PAX5: variants seen among roughly 807,000 people sequenced by gnomAD.
PAX5 encodes the protein paired box 5.
A neutral mutation model predicts 43.7 loss-of-function variants in PAX5; 9 were observed. The observed-to-expected ratio is 0.21, with a 90% CI of 0.12 to 0.36. PAX5 has a LOEUF of 0.36. Among genes scored for constraint, PAX5 ranks in the 10% least tolerant of loss-of-function variants. PAX5 has a pLI of 1.00. For missense variants in PAX5, 383 were observed against 532.7 expected (o/e 0.72, Z 2.77); for synonymous variants, 228 against 214.3 (o/e 1.06, Z -0.56).
intron 7 of PAX5, among the ~76,000 whole-genome samples, chr9:36,899,499 C>T (rs1228253200): frequency 6.6e-6 from 1 of 152,232 alleles, no homozygotes; most frequent in Admixed American, 6.5e-5. Context: ...TGAGCCCAGC[C>T]TGCGCTCAGT....
In PAX5 at chr9:37,015,871, C is replaced by G. The variant is rs1213788095; in HGVS notation, c.213-677G>C. Among the ~76,000 whole-genome samples the G allele has an allele frequency of 6.6e-6, 1 of 152,198 alleles. No individual in the cohort carries two copies. Among genetic ancestry groups the G allele is most frequent in the Non-Finnish European group, 1.5e-5 (1 of 68,040 alleles). On this transcript the variant is annotated intron_variant, in intron 2 of 9. Coordinates refer to ENST00000358127, the MANE Select transcript of PAX5 (RefSeq NM_016734.3). This position sits in a 1 kb window ranked among gnomAD's most constrained non-coding sequence, Gnocchi z 4.4. The stretch of plus-strand genomic sequence containing the variant: ...CTGGGATTACAGGCATGAGCCACCA[C>G]GCCCGGCCAGTCTCTCATTGTATTT...
At chr9:37,031,111 C>A (rs1389411630) in intron 1 of PAX5, among the ~76,000 whole-genome samples, 1 of 152,238 alleles carries the variant, frequency 6.6e-6, no homozygotes, top group Non-Finnish European at 1.5e-5. Flanking sequence ...CTTGACCTGT[C>A]CCTGTTTTCA....
intron 7 of PAX5, among the ~76,000 whole-genome samples, chr9:36,912,438 G>C (rs1472172521): frequency 6.6e-6 from 1 of 152,244 alleles, no homozygotes; most frequent in African/African-American, 2.4e-5. Context: ...TGGGCTTCCA[G>C]CTCTGGTAAT....
At chr9:36,888,958 A>G (rs1366742138) in intron 7 of PAX5, among the ~76,000 whole-genome samples, 1 of 152,046 alleles carries the variant, frequency 6.6e-6, no homozygotes, top group Non-Finnish European at 1.5e-5. Context: ...TCGCTGTGTG[A>G]CCTCTGGCAG....
At chr9:36,866,463 C>T (rs1433408131) in intron 8 of PAX5, among the ~76,000 whole-genome samples, 1 of 152,192 alleles carries the variant, frequency 6.6e-6, no homozygotes, top group Non-Finnish European at 1.5e-5. Flanking sequence ...AAGCCTGAGA[C>T]TTAAGAGAAG....
intron 6 of PAX5, among the ~76,000 whole-genome samples, chr9:36,957,111 G>C (rs926693177): frequency 1.3e-5 from 2 of 152,194 alleles, no homozygotes; most frequent in Non-Finnish European, 2.9e-5. Flanking sequence ...AGCTGTGCTC[G>C]CTGGTGGGCG....
intron 5 of PAX5, among the ~76,000 whole-genome samples, chr9:36,968,826 C>A (rs1019732366): frequency 1.3e-5 from 2 of 152,214 alleles, no homozygotes; most frequent in South Asian, 4.1e-4. Flanking sequence ...GGTATGGGAG[C>A]TCACGGCCCA....
chr9:36,953,384 A>G (rs940951331), intron 6 of PAX5, among the ~76,000 whole-genome samples: 1 of 152,144 alleles, frequency 6.6e-6, no homozygotes, highest in African/African-American at 2.4e-5. Context: ...ATTTTGAAAA[A>G]TTCCCAGCCA....
chr9:36,910,805 G>A (rs933332889), intron 7 of PAX5, among the ~76,000 whole-genome samples: 8 of 152,208 alleles, frequency 5.3e-5, no homozygotes, highest in African/African-American at 1.9e-4. Context: ...GCTGTGTGAA[G>A]AGTCAGGCCG....
At chr9:36,923,576 G>A (rs2131970202) in intron 6 of PAX5, 92 bp from the exon 7 acceptor site, 1 of 1,468,702 alleles carries the variant, frequency 6.8e-7, no homozygotes. Context: ...CCACCAAGCT[G>A]AGTTAGTCCA....
chr9:36,917,471 C>T (rs1347379265), intron 7 of PAX5, among the ~76,000 whole-genome samples: 2 of 152,166 alleles, frequency 1.3e-5, no homozygotes, highest in African/African-American at 4.8e-5. Context: ...TAAGGGAATC[C>T]CCAAATCCAG....
intron 6 of PAX5, among the ~76,000 whole-genome samples, chr9:36,935,036 C>T (rs1409415460): frequency 1.3e-5 from 2 of 152,182 alleles, no homozygotes; most frequent in African/African-American, 2.4e-5. Context: ...GGGCCAAACA[C>T]GCTCTTTATT....
Position 36,951,645 on chromosome 9 carries a change from G to C in PAX5, c.780+14904C>G, listed in dbSNP as rs144396622. Among the ~76,000 whole-genome samples the C allele has an allele frequency of 1.0e-3, 155 of 152,120 alleles. 1 individual carries two copies. The highest frequency in any genetic ancestry group is 3.6e-3 in the African/African-American group (151 of 41,508). On this transcript the variant is annotated intron_variant, in intron 6 of 9. Transcript: ENST00000358127. ...TAAAAACACCACATTTCTGGGTCTTGGTTATTTTACACGTCTTCTATTTAT... is the reference window on the plus strand; with the variant it reads ...TAAAAACACCACATTTCTGGGTCTTCGTTATTTTACACGTCTTCTATTTAT...
At chr9:37,025,576 A>G (rs2132530216) in intron 1 of PAX5, among the ~76,000 whole-genome samples, 1 of 152,274 alleles carries the variant, frequency 6.6e-6, no homozygotes, top group East Asian at 1.9e-4. Flanking sequence ...AGCAAACAGA[A>G]AGGAAACGCG....
At chr9:36,900,937 G>GC (rs34296343) in intron 7 of PAX5, among the ~76,000 whole-genome samples, 146,443 of 152,278 alleles carry the variant, frequency 0.96, 70,645 homozygotes, top group East Asian at 1. Context: ...AACCAGGGGA[G>GC]CATCGTTGAT....
intron 5 of PAX5, among the ~76,000 whole-genome samples, chr9:36,984,282 A>G (rs1836187215): frequency 6.6e-6 from 1 of 152,124 alleles, no homozygotes. Context: ...GGTGAGGTGT[A>G]GGGCAAGGAA....
rs541623440 is a variant in PAX5, at chr9:36,974,179, C to G, written c.605-7455G>C. On this transcript the variant is annotated intron_variant, in intron 5 of 9. Coordinates refer to ENST00000358127, the MANE Select transcript of PAX5 (RefSeq NM_016734.3). ...TGTGTGACAGAACAAGACTCTGTCT[C>G]TAAAAAAAAACCAAATAATTTTTTA... Among the ~76,000 whole-genome samples the G allele has an allele frequency of 1.1e-3, 168 of 151,486 alleles. 1 individual carries two copies. The highest frequency in any genetic ancestry group is 3.7e-3 in the African/African-American group (151 of 41,058).
At chr9:36,913,539 A>G (rs1293257623) in intron 7 of PAX5, among the ~76,000 whole-genome samples, 1 of 152,206 alleles carries the variant, frequency 6.6e-6, no homozygotes, top group African/African-American at 2.4e-5. Context: ...GCCCAATGAG[A>G]CACCTGCAGA....
chr9:36,921,761 A>T (rs934786341), intron 7 of PAX5, among the ~76,000 whole-genome samples: 3 of 152,124 alleles, frequency 2.0e-5, no homozygotes, highest in Non-Finnish European at 4.4e-5. Context: ...AAAAAGAGGA[A>T]AAAGGGCCCA....
Sources: gnomAD v4.1 joint callset for allele counts (sites outside exome capture counted in the v4.1 genomes callset) on GRCh38, gnomAD v4.1.1 for gene constraint, Gnocchi (gnomAD v3.1) non-coding constraint, MANE v1.5 for transcripts, NCBI Gene and HGNC (gene_info 2026-07-23, HGNC 2026-07-21) for gene names.